Variants in DYNC2H1 observed in about 807,000 individuals in gnomAD.
The protein encoded by DYNC2H1 is cytoplasmic dynein 2 heavy chain 1.
Under a neutral mutation model 570.0 loss-of-function variants are expected in DYNC2H1, and 410 were observed. The observed-to-expected ratio is 0.72, with a 90% CI of 0.66 to 0.78. The LOEUF (loss-of-function observed/expected upper bound fraction) is 0.78. Ranked by LOEUF, DYNC2H1 falls within the 30% of genes least tolerant of loss-of-function variation. DYNC2H1 has a pLI of 0.00. For missense variants in DYNC2H1, 4,865 were observed against 5,046.4 expected (o/e 0.96, Z 1.09); for synonymous variants, 1,688 against 1,677.6 (o/e 1.01, Z -0.15).
In DYNC2H1 at chr11:103,279,269, G is replaced by T. The variant is rs561348522; in HGVS notation, c.10696-1079G>T. 3.9e-5 allele frequency among the ~76,000 whole-genome samples: 6 copies of T among 152,166 alleles called. No homozygotes were observed. The South Asian group carries it at 1.2e-3, about 32-fold the overall frequency. On this transcript the variant is annotated intron_variant, in intron 70 of 88. Transcript: ENST00000375735. Reference sequence around the variant, plus strand: ...AATTTTGTATGCCATATATAAACTTGTGGCTCTTATTTAATTTAATATGTT... The same window carrying T: ...AATTTTGTATGCCATATATAAACTTTTGGCTCTTATTTAATTTAATATGTT...
chr11:103,461,251 G>T lies in DYNC2H1; in HGVS notation c.12648+4895G>T, dbSNP rs1014624469. ...AGCAGAGGGGATTGTTTCAATAGGA[G>T]AAATTTGGATTTGAATTATACTTGA... On this transcript the variant is annotated intron_variant, in intron 87 of 88. Transcript: ENST00000375735. The surrounding 1 kb of genome is among the most constrained non-coding windows in gnomAD (Gnocchi z 4.8). Among the ~76,000 whole-genome samples, 1 of 152,088 alleles carries T rather than the reference G, an allele frequency of 6.6e-6. No homozygotes were observed. The highest frequency in any genetic ancestry group is 2.4e-5 in the African/African-American group (1 of 41,414).
intron 63 of DYNC2H1, among the ~76,000 whole-genome samples, chr11:103,238,548 G>A (rs1346184461): frequency 2.7e-5 from 4 of 148,048 alleles, no homozygotes; most frequent in East Asian, 2.0e-4. Context: ...TCCAGCCTGG[G>A]TGACAGAGTG....
At chr11:103,349,551 G>A (rs970021354) in intron 82 of DYNC2H1, among the ~76,000 whole-genome samples, 7 of 152,054 alleles carry the variant, frequency 4.6e-5, no homozygotes, top group South Asian at 2.1e-4. Context: ...AACCAGTTAT[G>A]CACAAAATAT....
In DYNC2H1 at chr11:103,209,641, A is replaced by G. The variant is rs1863070359; in HGVS notation, c.8455-235A>G. 1.3e-5 allele frequency among the ~76,000 whole-genome samples: 2 copies of G among 152,006 alleles called. No individual in the cohort carries two copies. On this transcript the variant is annotated intron_variant, in intron 52 of 88. Coordinates refer to ENST00000375735, the MANE Select transcript of DYNC2H1 (RefSeq NM_001377.3). This position sits in a 1 kb window ranked among gnomAD's most constrained non-coding sequence, Gnocchi z 4.2. ...TTCCTTTACTTCATATAGTCTCACC[A>G]TTTCAAGTGAGCTTTTCCCAGTGTG...
Position 103,299,078 on chromosome 11 carries a change from A to G in DYNC2H1, c.11096-4015A>G, listed in dbSNP as rs11820293. ...ACTATCATGAGGAGTATATTATACT[A>G]TGTGTATTGAGGTATTGGAAATGTA... On this transcript the variant is annotated intron_variant, in intron 75 of 88. Coordinates refer to ENST00000375735, the MANE Select transcript of DYNC2H1 (RefSeq NM_001377.3). The surrounding 1 kb of genome is among the most constrained non-coding windows in gnomAD (Gnocchi z 4.5). Among the ~76,000 whole-genome samples the G allele has an allele frequency of 0.35, 52,513 of 152,014 alleles. 9,252 individuals are homozygous for G. The highest frequency in any genetic ancestry group is 0.37 in the Non-Finnish European group (25,408 of 67,942).
intron 52 of DYNC2H1, among the ~76,000 whole-genome samples, chr11:103,206,449 T>A (rs1440285390): frequency 6.6e-6 from 1 of 151,410 alleles, no homozygotes; most frequent in Non-Finnish European, 1.5e-5. Context: ...ATTATCAGAG[T>A]GCAGGTGATA....
At chr11:103,459,694 T>G (rs1275682386) in intron 87 of DYNC2H1, among the ~76,000 whole-genome samples, 2 of 152,000 alleles carry the variant, frequency 1.3e-5, no homozygotes, top group Non-Finnish European at 2.9e-5. Flanking sequence ...GGCTCACGCC[T>G]GTAATCCCAG....
chr11:103,455,739 G>A (rs2135807120), intron 86 of DYNC2H1, among the ~76,000 whole-genome samples: 1 of 152,230 alleles, frequency 6.6e-6, no homozygotes, highest in East Asian at 1.9e-4. Context: ...AATTCTGCTG[G>A]ACAGTGCTGA....
At chr11:103,161,184 G>A (rs1024355761) in intron 29 of DYNC2H1, 140 bp downstream of exon 29, 2 of 449,894 alleles carry the variant, frequency 4.4e-6, no homozygotes, top group Non-Finnish European at 7.9e-6. Context: ...TCTTAAAAAT[G>A]ATTTGTTTTG....
At position 103,203,668 on chromosome 11, in the gene DYNC2H1, G is replaced by A; in HGVS notation, c.8203G>A (p.Val2735Ile). 3.8e-6 allele frequency: 6 copies of A among 1,595,648 alleles called. No homozygotes were observed. The highest frequency in any genetic ancestry group is 2.2e-5 in the East Asian group (1 of 44,576). The change falls in exon 51 of 89, where the codon GTT becomes ATT. Residue 2735 changes from valine to isoleucine, a missense_variant. Transcript: ENST00000375735. This position sits in a 1 kb window ranked among gnomAD's most constrained non-coding sequence, Gnocchi z 4.7. Reference protein sequence around the residue: ...MINSLLSSGEVPGLYTLEELE... With the variant: ...MINSLLSSGEIPGLYTLEELE... Reference sequence around the variant, plus strand: ...AGTCTAATATTTTTCTGTAGGTGAAGTTCCTGGACTCTATACTCTTGAAGA... The same window carrying A: ...AGTCTAATATTTTTCTGTAGGTGAAATTCCTGGACTCTATACTCTTGAAGA...
At chr11:103,250,205 A>G (rs537753213) in intron 65 of DYNC2H1, among the ~76,000 whole-genome samples, 1 of 152,066 alleles carries the variant, frequency 6.6e-6, no homozygotes, top group East Asian at 1.9e-4. Context: ...TTTAAATAAT[A>G]TTCTCATCTT....
At chr11:103,172,074 A>G (rs532512361) in intron 34 of DYNC2H1, among the ~76,000 whole-genome samples, 3 of 152,204 alleles carry the variant, frequency 2.0e-5, no homozygotes, top group Non-Finnish European at 2.9e-5. Context: ...ATAACATTTT[A>G]ACAGTACATA....
At chr11:103,357,622 G>A (rs565525261) in intron 82 of DYNC2H1, among the ~76,000 whole-genome samples, 98 of 152,184 alleles carry the variant, frequency 6.4e-4, no homozygotes, top group Non-Finnish European at 1.2e-3. Flanking sequence ...ACACTGAGCG[G>A]TTATTAATTA....
chr11:103,198,092 G>A, intron 48 of DYNC2H1, 29 bp downstream of exon 48: 1 of 1,544,098 alleles, frequency 6.5e-7, no homozygotes, highest in Non-Finnish European at 8.8e-7. Flanking sequence ...ATTGGAACTG[G>A]GATTTGGTCA....
At position 103,462,167 on chromosome 11, in the gene DYNC2H1, C is replaced by T. The variant is rs1945036520; in HGVS notation, c.12648+5811C>T. On this transcript the variant is annotated intron_variant, in intron 87 of 88. Transcript: ENST00000375735. ...CACCTTTCATTTATTACCACTGTTA[C>T]AGGAGTGGGGTCATTTCTCCTATAG... 2.0e-5 allele frequency among the ~76,000 whole-genome samples: 3 copies of T among 152,114 alleles called. No individual in the cohort carries two copies. In the South Asian group the frequency reaches 6.2e-4, roughly 31 times the overall value.
intron 58 of DYNC2H1, 97 bp downstream of exon 58, chr11:103,222,250 AC>A (rs1863616943): frequency 3.5e-6 from 3 of 861,802 alleles, no homozygotes; most frequent in Non-Finnish European, 5.0e-6. Context: ...TGTTTAGATC[AC>A]CTAAAAATGA....
chr11:103,422,386 A>C (rs186598558), intron 84 of DYNC2H1, among the ~76,000 whole-genome samples: 2 of 152,294 alleles, frequency 1.3e-5, no homozygotes, highest in East Asian at 3.9e-4. Flanking sequence ...GAGACAACAA[A>C]AAAAGAAAAT....
rs1865891360 is a variant in DYNC2H1 at position 103,275,994 on chromosome 11, G to A, written c.10696-4354G>A. ...TGCATTCCTGCCAGCAATTAATGAGGGTTTCTGTTGCTCAACATCCTTACC... is the reference window on the plus strand; with the variant it reads ...TGCATTCCTGCCAGCAATTAATGAGAGTTTCTGTTGCTCAACATCCTTACC... On this transcript the variant is annotated intron_variant, in intron 70 of 88. Coordinates refer to ENST00000375735, the MANE Select transcript of DYNC2H1 (RefSeq NM_001377.3). This position sits in a 1 kb window ranked among gnomAD's most constrained non-coding sequence, Gnocchi z 4.8. 6.6e-6 allele frequency among the ~76,000 whole-genome samples: 1 copy of A among 152,072 alleles called. No individual in the cohort carries two copies. The highest frequency in any genetic ancestry group is 2.4e-5 in the African/African-American group (1 of 41,402).
intron 83 of DYNC2H1, among the ~76,000 whole-genome samples, chr11:103,393,006 C>T (rs769271219): frequency 2.0e-5 from 3 of 152,124 alleles, no homozygotes; most frequent in Non-Finnish European, 4.4e-5. Context: ...GCCTCAGCCT[C>T]CCAAGTAGCT....
Sources: allele counts gnomAD v4.1 joint callset (sites outside exome capture counted in the v4.1 genomes callset), GRCh38; gene constraint gnomAD v4.1.1; non-coding constraint Gnocchi (gnomAD v3.1); transcripts MANE v1.5; gene names NCBI Gene and HGNC (gene_info 2026-07-23, HGNC 2026-07-21).